The following GRIP1 variants were observed in gnomAD, a reference collection of about 807,000 sequenced individuals.
GRIP1 encodes glutamate receptor-interacting protein 1.
GRIP1 carries 45 observed loss-of-function variants against 129.9 expected under a neutral mutation model. That is an observed-to-expected ratio of 0.35 (90% CI 0.27 to 0.44). The LOEUF (loss-of-function observed/expected upper bound fraction) is 0.44. Ranked by LOEUF, GRIP1 falls within the 20% of genes least tolerant of loss-of-function variation. The pLI is 1.00. For synonymous variants in GRIP1, 530 were observed against 520.8 expected (o/e 1.02, Z -0.24); for missense variants, 1,196 against 1,396.8 (o/e 0.86, Z 2.29).
rs150563101 is a variant in GRIP1 at position 66,366,500 on chromosome 12, T to A, written c.3012+5194A>T. ...CAGCTGTGAAAAATAAAGAGGTTAC[T>A]TGTGAGTGACTGAAATGTCCAAGTG... is the stretch of plus-strand genomic sequence containing the variant. On this transcript the variant is annotated intron_variant, in intron 23 of 24. Coordinates refer to ENST00000359742, the MANE Select transcript of GRIP1 (RefSeq NM_001366722.1). Among the ~76,000 whole-genome samples the A allele has an allele frequency of 1.8e-4, 27 of 152,304 alleles. No homozygotes were observed. The East Asian group carries it at 5.0e-3, about 28-fold the overall frequency.
At chr12:67,069,267 G>T (rs1444252516), upstream of GRIP1, 23 of 223,794 alleles carry the variant, frequency 1.0e-4, no homozygotes, top group Non-Finnish European at 2.2e-5. Context: ...TTGAAGCGGC[G>T]CCGCGCGCCC....
chr12:66,719,145 A>T (rs937167450), intron 1 of GRIP1, among the ~76,000 whole-genome samples: 1 of 152,168 alleles, frequency 6.6e-6, no homozygotes, highest in East Asian at 1.9e-4. Flanking sequence ...GAAACAAAAC[A>T]TTTTGAAAGC....
rs1281861093 is a variant in GRIP1, at chr12:66,482,063, G to T, written c.725-16641C>A. Among the ~76,000 whole-genome samples the T allele has an allele frequency of 6.6e-5, 10 of 152,170 alleles. 1 individual carries two copies. In the East Asian group the frequency reaches 9.7e-4, roughly 15 times the overall value. The stretch of plus-strand genomic sequence containing the variant: ...GTATACCTATGTAACAAACCTGTAT[G>T]TTCTGCACATGTATCCCAGAACTTA... On this transcript the variant is annotated intron_variant, in intron 7 of 24. Transcript: ENST00000359742.
intron 1 of GRIP1, among the ~76,000 whole-genome samples, chr12:66,864,299 A>G (rs1018716204): frequency 6.6e-6 from 1 of 152,052 alleles, no homozygotes; most frequent in Non-Finnish European, 1.5e-5. Flanking sequence ...ATCAGAGACT[A>G]TTTTATAAAT....
At chr12:66,364,287 A>AAAAAAAAAAG (rs1565667504) in intron 23 of GRIP1, among the ~76,000 whole-genome samples, 1 of 126,004 alleles carries the variant, frequency 7.9e-6, no homozygotes, top group Non-Finnish European at 1.6e-5. Context: ...AAAAAAAAAA[A>AAAAAAAAAAG]AAAGAAAGAA....
chr12:66,974,998 G>C (rs1023028972), intron 1 of GRIP1, among the ~76,000 whole-genome samples: 3 of 152,166 alleles, frequency 2.0e-5, no homozygotes, highest in East Asian at 3.9e-4. Context: ...CACTGAAGGA[G>C]ACATGGACAT....
intron 1 of GRIP1, among the ~76,000 whole-genome samples, chr12:66,706,360 G>C (rs1438119677): frequency 6.6e-6 from 1 of 151,396 alleles, no homozygotes. Flanking sequence ...ACCAAGTCAG[G>C]AAACAATAGA....
intron 1 of GRIP1, among the ~76,000 whole-genome samples, chr12:67,039,997 C>G (rs1297790434): frequency 6.6e-6 from 1 of 152,166 alleles, no homozygotes; most frequent in Non-Finnish European, 1.5e-5. Flanking sequence ...TCTAACTACT[C>G]TTAAGCTGTT....
chr12:67,039,545 C>A (rs973702598), intron 1 of GRIP1, among the ~76,000 whole-genome samples: 2 of 152,108 alleles, frequency 1.3e-5, no homozygotes, highest in African/African-American at 4.8e-5. Flanking sequence ...GGGTGCTAGT[C>A]AAAAGTCAAT....
intron 2 of GRIP1, among the ~76,000 whole-genome samples, chr12:66,552,346 A>C (rs921606738): frequency 6.6e-6 from 1 of 152,202 alleles, no homozygotes; most frequent in African/African-American, 2.4e-5. Flanking sequence ...AACCTGACTG[A>C]ATAGAGAGAT....
At chr12:66,429,704 A>G (rs2058089926) in intron 14 of GRIP1, among the ~76,000 whole-genome samples, 1 of 152,200 alleles carries the variant, frequency 6.6e-6, no homozygotes, top group Non-Finnish European at 1.5e-5. Context: ...TCAAAAAATA[A>G]AACATAAATA....
intron 2 of GRIP1, among the ~76,000 whole-genome samples, chr12:66,572,608 C>T (rs899579081): frequency 7.9e-5 from 12 of 152,130 alleles, no homozygotes; most frequent in Non-Finnish European, 1.8e-4. Flanking sequence ...GAGGAGGGGG[C>T]AGTTGGTTCA....
At chr12:67,047,945 T>TA (rs1041011788) in intron 1 of GRIP1, among the ~76,000 whole-genome samples, 27 of 152,186 alleles carry the variant, frequency 1.8e-4, no homozygotes, top group African/African-American at 5.3e-4. Flanking sequence ...ATCACATAAG[T>TA]AAAAAACAGT....
chr12:66,949,561 A>G (rs1164998051), intron 1 of GRIP1, among the ~76,000 whole-genome samples: 1 of 152,184 alleles, frequency 6.6e-6, no homozygotes, highest in East Asian at 1.9e-4. Context: ...TCTTTCTTTT[A>G]AAATCTTTTC....
chr12:66,622,853 C>T (rs1396779807), intron 1 of GRIP1, among the ~76,000 whole-genome samples: 1 of 152,104 alleles, frequency 6.6e-6, no homozygotes, highest in Non-Finnish European at 1.5e-5. Context: ...TGATCTGTTC[C>T]TATTTCCACC....
At chr12:66,483,470 T>C (rs1389326) in intron 7 of GRIP1, among the ~76,000 whole-genome samples, 40,809 of 152,062 alleles carry the variant, frequency 0.27, 5,673 homozygotes, top group Middle Eastern at 0.41. Flanking sequence ...ATTTATTGTA[T>C]TGCAAGAAGA....
At chr12:66,762,681 G>C (rs910977799) in intron 1 of GRIP1, among the ~76,000 whole-genome samples, 1 of 151,998 alleles carries the variant, frequency 6.6e-6, no homozygotes, top group African/African-American at 2.4e-5. Context: ...GCTTATGCTG[G>C]GAAATCAAAA....
intron 7 of GRIP1, among the ~76,000 whole-genome samples, chr12:66,513,178 G>T (rs551092027): frequency 2.6e-5 from 4 of 152,084 alleles, no homozygotes; most frequent in African/African-American, 7.2e-5. Flanking sequence ...CTCTTCTACT[G>T]GTCTCTTTAT....
intron 1 of GRIP1, among the ~76,000 whole-genome samples, chr12:66,695,507 T>C (rs1179798275): frequency 6.6e-6 from 1 of 152,178 alleles, no homozygotes; most frequent in African/African-American, 2.4e-5. Flanking sequence ...TGTCTACCAC[T>C]AATGGGATTG....
Sources: allele counts gnomAD v4.1 joint callset (sites outside exome capture counted in the v4.1 genomes callset), GRCh38; gene constraint gnomAD v4.1.1; transcripts MANE v1.5; gene names NCBI Gene and HGNC (gene_info 2026-07-23, HGNC 2026-07-21).